The following ATP2C1 variants were observed in gnomAD, a reference collection of about 807,000 sequenced individuals.
ATP2C1 encodes the protein calcium-transporting ATPase type 2C member 1.
A neutral mutation model predicts 120.5 loss-of-function variants in ATP2C1; 31 were observed. That is an observed-to-expected ratio of 0.26 (90% CI 0.19 to 0.35). ATP2C1 has a LOEUF of 0.35. Ranked by LOEUF, ATP2C1 falls within the 10% of genes least tolerant of loss-of-function variation. The pLI, the probability that ATP2C1 is intolerant of heterozygous loss-of-function variation, is 1.00. For synonymous variants in ATP2C1, 351 were observed against 358.7 expected, an observed-to-expected ratio of 0.98 and a Z score of 0.24; for missense variants, 731 against 1,107.5, an observed-to-expected ratio of 0.66 and a Z score of 4.83.
At chr3:130,905,796 CCAGA>C (rs1177600245) in intron 2 of ATP2C1, among the ~76,000 whole-genome samples, 9 of 152,020 alleles carry the variant, frequency 5.9e-5, no homozygotes, top group African/African-American at 2.2e-4. Context: ...AATTGCTTTG[CCAGA>C]CAGCAGTTAA....
chr3:130,962,767 A>C (rs1302769423), intron 12 of ATP2C1: 1 of 151,280 alleles, frequency 6.6e-6, no homozygotes, highest in East Asian at 1.9e-4. Context: ...TTCCATTTGA[A>C]CTAGGAACAT....
intron 17 of ATP2C1, among the ~76,000 whole-genome samples, chr3:130,970,408 C>CACACG (rs2061254694): frequency 1.6e-5 from 1 of 62,126 alleles, no homozygotes; most frequent in Non-Finnish European, 3.7e-5. Context: ...ACACACACAC[C>CACACG]CTTAAACTTT....
intron 26 of ATP2C1, among the ~76,000 whole-genome samples, chr3:130,999,214 A>G (rs1300433954): frequency 6.6e-6 from 1 of 152,204 alleles, no homozygotes; most frequent in East Asian, 1.9e-4. Flanking sequence ...AGCAAAATAC[A>G]AATAAAGTTT....
intron 20 of ATP2C1, among the ~76,000 whole-genome samples, chr3:130,981,237 CT>C (rs1310653998): frequency 6.6e-6 from 1 of 152,030 alleles, no homozygotes; most frequent in African/African-American, 2.4e-5. Flanking sequence ...GCCACTAATT[CT>C]TTTTTTGTCT....
intron 12 of ATP2C1, among the ~76,000 whole-genome samples, chr3:130,961,154 G>A (rs1382613869): frequency 6.6e-6 from 1 of 151,584 alleles, no homozygotes; most frequent in African/African-American, 2.4e-5. Flanking sequence ...AACGCCATGG[G>A]TTAAATATAA....
intron 8 of ATP2C1, among the ~76,000 whole-genome samples, chr3:130,951,872 A>G (rs1053969035): frequency 6.6e-6 from 1 of 152,192 alleles, no homozygotes; most frequent in East Asian, 1.9e-4. Context: ...GGGAAATGCT[A>G]GCACAATTTT....
intron 1 of ATP2C1, among the ~76,000 whole-genome samples, chr3:130,878,137 G>A (rs1349019387): frequency 1.8e-5 from 2 of 110,282 alleles, no homozygotes; most frequent in African/African-American, 7.0e-5. Flanking sequence ...GGGGCCTGTC[G>A]TGGGGTGGGG....
intron 1 of ATP2C1, among the ~76,000 whole-genome samples, chr3:130,866,342 C>T (rs1004789170): frequency 5.3e-5 from 8 of 152,152 alleles, no homozygotes; most frequent in African/African-American, 1.9e-4. Context: ...TTTTTAGAGC[C>T]TCTGAAATGT....
At position 130,894,532 on chromosome 3, in the gene ATP2C1, G is replaced by A. The variant is rs1382579538; in HGVS notation, c.-180-58G>A. On this transcript the variant is annotated intron_variant, in intron 1 of 27. Coordinates refer to ENST00000510168, the MANE Select transcript of ATP2C1 (RefSeq NM_001378687.1). This position sits in a 1 kb window ranked among gnomAD's most constrained non-coding sequence, Gnocchi z 4.5. The stretch of plus-strand genomic sequence containing the variant: ...GGGGGGCTCCCGAGATAGTGGCTGG[G>A]CGGGGAACTCCTTCCTCAGCCTCTC... 1.4e-6 allele frequency: 2 copies of A among 1,403,096 alleles called. No individual in the cohort carries two copies. The highest frequency in any genetic ancestry group is 1.4e-5 in the African/African-American group (1 of 69,050). The allele number at this position is 1,403,096 out of a possible 1,614,324, so 86.9% of individuals were successfully genotyped here. A position where few individuals can be genotyped will look rare whatever the true frequency, so the allele number is the denominator to read the frequency against.
At chr3:130,938,765 C>T (rs576758946) in intron 6 of ATP2C1, among the ~76,000 whole-genome samples, 81 of 152,262 alleles carry the variant, frequency 5.3e-4, no homozygotes, top group Non-Finnish European at 6.2e-4. Context: ...GACCTTCTTG[C>T]GTCTTTAAGA....
intron 17 of ATP2C1, among the ~76,000 whole-genome samples, chr3:130,972,377 C>T (rs2108709018): frequency 6.6e-6 from 1 of 152,234 alleles, no homozygotes; most frequent in Non-Finnish European, 1.5e-5. Flanking sequence ...TTACCTACTC[C>T]TGGACTTCAT....
chr3:130,922,582 A>G (rs757648565), intron 2 of ATP2C1, among the ~76,000 whole-genome samples: 2 of 152,112 alleles, frequency 1.3e-5, no homozygotes, highest in Admixed American at 6.5e-5. Flanking sequence ...TTTTTGATGT[A>G]GGCATTTAAT....
intron 3 of ATP2C1, 69 bp downstream of exon 3, chr3:130,930,595 GCTGT>G (rs2059410561): frequency 9.9e-7 from 1 of 1,007,526 alleles, no homozygotes; most frequent in African/African-American, 1.6e-5. Context: ...ATAAAACAGT[GCTGT>G]CTAATTTACT....
At chr3:130,887,835 C>A (rs891219191) in intron 1 of ATP2C1, among the ~76,000 whole-genome samples, 2 of 152,186 alleles carry the variant, frequency 1.3e-5, no homozygotes, top group African/African-American at 4.8e-5. Flanking sequence ...TCTGACTGAG[C>A]TGGTATCTAA....
chr3:130,930,359 A>G (rs1239944767), intron 2 of ATP2C1, 57 bp from the exon 3 acceptor site: 2 of 1,074,170 alleles, frequency 1.9e-6, no homozygotes, highest in East Asian at 2.4e-5. Context: ...ATTATTCTAG[A>G]CTGCATTACA....
rs777825994 is a variant in ATP2C1, at chr3:130,999,719, GTTTGT to G, written c.2629+64_2629+68del. 9.3e-5 allele frequency: 136 copies of G among 1,455,992 alleles called. No homozygotes were observed. The East Asian group carries it at 1.6e-3, about 17-fold the overall frequency. 90.2% of individuals were successfully genotyped at this position (1,455,992 alleles called of 1,614,324 possible). On this transcript the variant is annotated intron_variant, in intron 27 of 27. Transcript: ENST00000510168. ...TTAGATAAATCATATTTTCTAATGT[GTTTGT>G]TTTAATTTTAAAATTCTTTTAAAAT...
At chr3:130,916,096 G>A (rs2058675654) in intron 2 of ATP2C1, among the ~76,000 whole-genome samples, 1 of 152,106 alleles carries the variant, frequency 6.6e-6, no homozygotes, top group African/African-American at 2.4e-5. Context: ...AGATCCTCAT[G>A]GAGTATGAGT....
At position 131,001,501 on chromosome 3, in the gene ATP2C1, C is replaced by T; in HGVS notation, c.*151C>T. 1.5e-6 allele frequency: 2 copies of T among 1,331,252 alleles called. No homozygotes were observed. Among genetic ancestry groups the T allele is most frequent in the Non-Finnish European group, 1.9e-6 (2 of 1,039,720 alleles). 82.5% of individuals were successfully genotyped at this position (1,331,252 alleles called of 1,614,324 possible). Reference sequence around the variant, plus strand: ...AATGTTAAAGACTTAAGACTTTAACCTGCTGGCAGTCCCAAATGAAATTAT... The same window carrying T: ...AATGTTAAAGACTTAAGACTTTAACTTGCTGGCAGTCCCAAATGAAATTAT... On this transcript the variant is annotated 3_prime_UTR_variant, in exon 28 of 28. Transcript: ENST00000510168.
chr3:130,991,732 T>C (rs1307983846), intron 20 of ATP2C1, among the ~76,000 whole-genome samples: 2 of 152,170 alleles, frequency 1.3e-5, no homozygotes, highest in African/African-American at 4.8e-5. Context: ...ATGGTCTTAA[T>C]AGGTAAGAAG....
Sources: gnomAD v4.1 joint callset for allele counts (sites outside exome capture counted in the v4.1 genomes callset) on GRCh38, gnomAD v4.1.1 for gene constraint, Gnocchi (gnomAD v3.1) non-coding constraint, MANE v1.5 for transcripts, NCBI Gene and HGNC (gene_info 2026-07-23, HGNC 2026-07-21) for gene names.